Variants in CNTNAP5 observed in about 807,000 individuals in gnomAD.
CNTNAP5 encodes the protein contactin-associated protein-like 5.
A neutral mutation model predicts 150.2 loss-of-function variants in CNTNAP5; 72 were observed. That is an observed-to-expected ratio of 0.48 (90% CI 0.40 to 0.58). The LOEUF is 0.58. Among genes scored for constraint, CNTNAP5 ranks in the 20% least tolerant of loss-of-function variants. CNTNAP5 has a pLI of 0.00. For synonymous variants in CNTNAP5, 672 were observed against 619.8 expected, an observed-to-expected ratio of 1.08 and a Z score of -1.25; for missense variants, 1,636 against 1,626.2, an observed-to-expected ratio of 1.01 and a Z score of -0.10.
chr2:124,878,106 A>G (rs1031255191), intron 21 of CNTNAP5, among the ~76,000 whole-genome samples: 2 of 152,044 alleles, frequency 1.3e-5, no homozygotes, highest in African/African-American at 2.4e-5. Flanking sequence ...ATTTCACACA[A>G]TGCACAGTTC....
At position 124,914,228 on chromosome 2, in the gene CNTNAP5, CA is replaced by C; in HGVS notation, c.3865del (p.Arg1289GlufsTer10). The C allele has an allele frequency of 6.2e-7, 1 of 1,612,510 alleles. No homozygotes were observed. The highest frequency in any genetic ancestry group is 1.7e-5 in the Admixed American group (1 of 59,856). ...ATCCAGAAAATTTGGACAGTTCCTT[CA>C]GAAATGAAATTGACTTGCAAAACAC... is the stretch of plus-strand genomic sequence containing the variant. ...EYPENLDSSF[R>X]NEIDLQNTVS... On this transcript the variant is annotated frameshift_variant, in exon 24 of 24. Transcript: ENST00000682447. LOFTEE classifies it high-confidence loss of function.
chr2:124,127,269 AC>A (rs1303970562), intron 1 of CNTNAP5, among the ~76,000 whole-genome samples: 3 of 152,070 alleles, frequency 2.0e-5, no homozygotes, highest in Non-Finnish European at 4.4e-5. Flanking sequence ...CCAATAACAG[AC>A]AAACAGAGAG....
At chr2:124,239,380 T>C (rs1410717996) in intron 2 of CNTNAP5, among the ~76,000 whole-genome samples, 3 of 152,152 alleles carry the variant, frequency 2.0e-5, no homozygotes, top group Admixed American at 6.6e-5. Context: ...TTGTGAACTA[T>C]TGAGGGTAAA....
intron 3 of CNTNAP5, among the ~76,000 whole-genome samples, chr2:124,405,134 A>C (rs2104762552): frequency 6.6e-6 from 1 of 152,282 alleles, no homozygotes; most frequent in South Asian, 2.1e-4. Context: ...AAGGACCTGC[A>C]CTGATTTTGC....
chr2:124,634,535 G>T lies in CNTNAP5; in HGVS notation c.1877-13223G>T, dbSNP rs191893076. On this transcript the variant is annotated intron_variant, in intron 12 of 23. Coordinates refer to ENST00000682447, the MANE Select transcript of CNTNAP5 (RefSeq NM_001367498.1). ...ACATATATTTTTTAAATGAGGCACG[G>T]TATCACTTTGTCACCTAGGCTGGAG... is the stretch of plus-strand genomic sequence containing the variant. Among the ~76,000 whole-genome samples, 14 of 152,210 alleles carry T rather than the reference G, an allele frequency of 9.2e-5. No individual in the cohort carries two copies. In the East Asian group the frequency reaches 2.7e-3, roughly 30 times the overall value.
At chr2:124,716,636 C>T (rs1679950827) in intron 13 of CNTNAP5, among the ~76,000 whole-genome samples, 1 of 152,038 alleles carries the variant, frequency 6.6e-6, no homozygotes, top group East Asian at 1.9e-4. Context: ...CCATACTTAA[C>T]AACAACCAAA....
At chr2:124,359,043 GTGT>G (rs1427445075) in intron 3 of CNTNAP5, among the ~76,000 whole-genome samples, 105 of 151,160 alleles carry the variant, frequency 6.9e-4, no homozygotes, top group African/African-American at 2.4e-3. Flanking sequence ...GAGAGTGTAT[GTGT>G]CCAGGAATTT....
At chr2:124,319,525 T>C (rs529834390) in intron 3 of CNTNAP5, among the ~76,000 whole-genome samples, 3 of 152,354 alleles carry the variant, frequency 2.0e-5, no homozygotes, top group East Asian at 1.9e-4. Flanking sequence ...CTAATGTTAT[T>C]GATTTTGATC....
chr2:124,150,932 A>G (rs2104633604), intron 1 of CNTNAP5, among the ~76,000 whole-genome samples: 1 of 152,308 alleles, frequency 6.6e-6, no homozygotes, highest in East Asian at 1.9e-4. Flanking sequence ...TGGCATATCC[A>G]AGTAAATGCA....
chr2:124,581,581 G>A (rs1696414729), intron 11 of CNTNAP5, among the ~76,000 whole-genome samples: 2 of 152,180 alleles, frequency 1.3e-5, no homozygotes, highest in South Asian at 4.1e-4. Flanking sequence ...AAGTGTTTGA[G>A]AGTTTGAGCA....
intron 8 of CNTNAP5, among the ~76,000 whole-genome samples, chr2:124,510,313 C>CTATATATCTATCTA (rs1694542306): frequency 1.8e-5 from 1 of 54,280 alleles, no homozygotes; most frequent in African/African-American, 6.7e-5. Context: ...ATATATATAT[C>CTATATATCTATCTA]TATATATCTA....
intron 1 of CNTNAP5, among the ~76,000 whole-genome samples, chr2:124,155,781 A>G (rs193302202): frequency 6.4e-4 from 97 of 152,334 alleles, no homozygotes; most frequent in Middle Eastern, 3.4e-3. Context: ...TGAGCCATGG[A>G]ATTCATGGCC....
In CNTNAP5 at chr2:124,576,986, A is replaced by G. The variant is rs182029386; in HGVS notation, c.1756+13663A>G. On this transcript the variant is annotated intron_variant, in intron 11 of 23. Coordinates refer to ENST00000682447, the MANE Select transcript of CNTNAP5 (RefSeq NM_001367498.1). ...TGTTTGGAAGGGACTTTTAAGTGCAAGTATGTTTTCTTGCAGACTTCTTCA... is the reference window on the plus strand; with the variant it reads ...TGTTTGGAAGGGACTTTTAAGTGCAGGTATGTTTTCTTGCAGACTTCTTCA... 9.6e-4 allele frequency among the ~76,000 whole-genome samples: 147 copies of G among 152,354 alleles called. 1 individual carries two copies. The highest frequency in any genetic ancestry group is 1.7e-3 in the Non-Finnish European group (116 of 68,046).
chr2:124,705,029 CT>C (rs34126373), intron 13 of CNTNAP5, among the ~76,000 whole-genome samples: 24,680 of 151,918 alleles, frequency 0.16, 2,280 homozygotes, highest in East Asian at 0.24. Flanking sequence ...CCTATTTTTG[CT>C]TTTTTTCTTA....
At chr2:124,097,693 G>C (rs1682966893) in intron 1 of CNTNAP5, among the ~76,000 whole-genome samples, 1 of 152,142 alleles carries the variant, frequency 6.6e-6, no homozygotes, top group Non-Finnish European at 1.5e-5. Flanking sequence ...ACATCGCAGG[G>C]TTTGGGGGAC....
intron 13 of CNTNAP5, among the ~76,000 whole-genome samples, chr2:124,746,611 A>G (rs1680608358): frequency 6.6e-6 from 1 of 152,170 alleles, no homozygotes. Flanking sequence ...AGAGAAATCA[A>G]TGGGAGGCCA....
chr2:124,450,594 A>G (rs1692945499), intron 6 of CNTNAP5, among the ~76,000 whole-genome samples: 1 of 149,332 alleles, frequency 6.7e-6, no homozygotes, highest in African/African-American at 2.5e-5. Flanking sequence ...CAGAATGTAG[A>G]TCCTTTACTT....
At chr2:124,485,989 G>A (rs1314010460) in intron 7 of CNTNAP5, among the ~76,000 whole-genome samples, 2 of 152,124 alleles carry the variant, frequency 1.3e-5, no homozygotes, top group Non-Finnish European at 2.9e-5. Flanking sequence ...CCCTATAAGA[G>A]AAAGACACTT....
chr2:124,230,997 A>G (rs933599313), intron 2 of CNTNAP5, among the ~76,000 whole-genome samples: 7 of 151,978 alleles, frequency 4.6e-5, no homozygotes, highest in African/African-American at 1.7e-4. Context: ...CCTCTGTTTC[A>G]TCACACTCTC....
Sources: allele counts gnomAD v4.1 joint callset (sites outside exome capture counted in the v4.1 genomes callset), GRCh38; gene constraint gnomAD v4.1.1; transcripts MANE v1.5; gene names NCBI Gene and HGNC (gene_info 2026-07-23, HGNC 2026-07-21).